The following NCR1 variants were observed in gnomAD, a reference collection of about 807,000 sequenced individuals.
NCR1 encodes natural cytotoxicity triggering receptor 1.
NCR1 carries 30 observed loss-of-function variants against 32.5 expected under a neutral mutation model. The ratio of observed to expected loss-of-function variants is 0.92; its 90% CI spans 0.69 to 1.25. The LOEUF (loss-of-function observed/expected upper bound fraction) is 1.25. Among genes scored for constraint, NCR1 ranks in the 50% most tolerant of loss-of-function variants. The pLI, the probability that NCR1 is intolerant of heterozygous loss-of-function variation, is 0.00. For missense variants in NCR1, 369 were observed against 380.7 expected, an observed-to-expected ratio of 0.97 and a Z score of 0.26; for synonymous variants, 169 against 143.4, an observed-to-expected ratio of 1.18 and a Z score of -1.28.
the NCR1 span, among the ~76,000 whole-genome samples, chr19:54,926,243 TACAC>T: frequency 2.1e-5 from 3 of 145,682 alleles, no homozygotes; most frequent in African/African-American, 5.1e-5. Context: ...TGCACACACA[TACAC>T]ACAAGCTTCC....
At chr19:54,924,343 C>CCAGG in the NCR1 span, among the ~76,000 whole-genome samples, 1 of 152,220 alleles carries the variant, frequency 6.6e-6, no homozygotes, top group African/African-American at 2.4e-5. Context: ...AAGATTATGG[C>CCAGG]CAGGCACGGT....
At chr19:54,933,854 G>C in the NCR1 span, 2 of 912,038 alleles carry the variant, frequency 2.2e-6, no homozygotes, top group Non-Finnish European at 3.6e-6. Context: ...TTCATCCCCT[G>C]CCCTCTGTCC....
chr19:54,910,074 C>G lies in NCR1; in HGVS notation c.682+9C>G. ...AGACCCCACCTTTCCTGGTGAGTAACTGGTCCTTCTAAGCTCAGACGAGCG... is the reference window on the plus strand; with the variant it reads ...AGACCCCACCTTTCCTGGTGAGTAAGTGGTCCTTCTAAGCTCAGACGAGCG... On this transcript the variant is annotated intron_variant, in intron 5 of 6. Transcript: ENST00000291890. 6.2e-7 allele frequency: 1 copy of G among 1,613,134 alleles called. No homozygotes were observed. Among genetic ancestry groups the G allele is most frequent in the Admixed American group, 1.7e-5 (1 of 59,928 alleles).
downstream of NCR1, among the ~76,000 whole-genome samples, chr19:54,918,866 C>T (rs551657380): frequency 1.3e-5 from 2 of 151,916 alleles, no homozygotes; most frequent in South Asian, 2.1e-4. Context: ...TGCCTATAAT[C>T]CCAGCTACTA....
chr19:54,904,101 G>A (rs2067387827), upstream of NCR1, among the ~76,000 whole-genome samples: 1 of 138,292 alleles, frequency 7.2e-6, no homozygotes. Flanking sequence ...ACCACAGCCT[G>A]GGCAACAGAG....
At position 54,912,919 on chromosome 19, in the gene NCR1, G is replaced by A. The variant is rs377732447; in HGVS notation, c.*48G>A. The A allele has an allele frequency of 6.3e-6, 10 of 1,582,374 alleles. No individual in the cohort carries two copies. Among genetic ancestry groups the A allele is most frequent in the Middle Eastern group, 1.7e-4 (1 of 5,946 alleles). On this transcript the variant is annotated 3_prime_UTR_variant, in exon 7 of 7. Coordinates refer to ENST00000291890, the MANE Select transcript of NCR1 (RefSeq NM_004829.7). ...GCCATGGGTGGATCTGAAAGCTGGT[G>A]TTGAGCCTGGGCGGCGTGAGCTCTG...
Position 54,912,831 on chromosome 19 carries a change from C to CT in NCR1, c.877dup (p.Trp293LeufsTer73). On this transcript the variant is annotated frameshift_variant, in exon 7 of 7. Transcript: ENST00000291890. LOFTEE classifies it high-confidence loss of function. The stretch of plus-strand genomic sequence containing the variant: ...AGAGAGCGAGCCAGCAGAGCTTCCA[C>CT]TTGGGAAGGCAGGAGAAGGCTGAAC... The CT allele has an allele frequency of 6.2e-7, 1 of 1,613,480 alleles. No homozygotes were observed. Among genetic ancestry groups the CT allele is most frequent in the Non-Finnish European group, 8.5e-7 (1 of 1,179,988 alleles).
At chr19:54,933,619 C>A in the NCR1 span, 25 of 1,614,096 alleles carry the variant, frequency 1.5e-5, no homozygotes, top group Non-Finnish European at 2.0e-5. Flanking sequence ...CACACAGAAA[C>A]TTCACCCCTG....
the NCR1 span, among the ~76,000 whole-genome samples, chr19:54,936,870 G>A: frequency 0.01 from 1,593 of 151,778 alleles, 35 homozygotes; most frequent in African/African-American, 0.036. Flanking sequence ...AGCCGAGACC[G>A]CACCACTGCA....
the NCR1 span, chr19:54,937,909 A>T: frequency 2.7e-6 from 2 of 732,914 alleles, no homozygotes; most frequent in East Asian, 5.0e-5. Flanking sequence ...CCAAAAAAAA[A>T]AAAAAAAAAA....
the NCR1 span, among the ~76,000 whole-genome samples, chr19:54,937,316 C>T: frequency 6.6e-6 from 1 of 151,912 alleles, no homozygotes; most frequent in Non-Finnish European, 1.5e-5. Context: ...CAACAAACTC[C>T]TATGACACAC....
At chr19:54,920,925 G>A (rs1421498092), downstream of NCR1, among the ~76,000 whole-genome samples, 2 of 152,026 alleles carry the variant, frequency 1.3e-5, no homozygotes, top group Non-Finnish European at 2.9e-5. Context: ...GGCCAACATG[G>A]TGAAATCACG....
chr19:54,912,321 G>A (rs573972738), intron 6 of NCR1, 103 bp downstream of exon 6: 18 of 1,160,722 alleles, frequency 1.6e-5, no homozygotes, highest in African/African-American at 1.1e-4. Flanking sequence ...CCTTGGCCAG[G>A]CGCAGTAGCT....
chr19:54,925,765 G>A, the NCR1 span, among the ~76,000 whole-genome samples: 3 of 152,070 alleles, frequency 2.0e-5, no homozygotes, highest in Non-Finnish European at 4.4e-5. Flanking sequence ...TTGGGAGGCC[G>A]AGGTGGGCAG....
At chr19:54,926,796 A>G in the NCR1 span, among the ~76,000 whole-genome samples, 1 of 151,814 alleles carries the variant, frequency 6.6e-6, no homozygotes, top group South Asian at 2.1e-4. Flanking sequence ...AGCGACTGTA[A>G]TCCTAGCTAC....
At chr19:54,923,897 G>A in the NCR1 span, 1 of 1,609,072 alleles carries the variant, frequency 6.2e-7, no homozygotes. Flanking sequence ...GAACACAAAT[G>A]TTCCCAGAAA....
chr19:54,924,014 C>T, the NCR1 span: 1 of 896,540 alleles, frequency 1.1e-6, no homozygotes. Context: ...GTTGCCCAGG[C>T]TGGGGTACAG....
the NCR1 span, among the ~76,000 whole-genome samples, chr19:54,900,084 C>T: frequency 1.1e-4 from 16 of 152,138 alleles, 1 homozygote; most frequent in South Asian, 6.2e-4. Context: ...GGTCTGAGGA[C>T]GAGAGGTCGT....
intron 3 of NCR1, among the ~76,000 whole-genome samples, chr19:54,907,904 CTG>C (rs2067717264): frequency 2.0e-5 from 3 of 152,096 alleles, no homozygotes; most frequent in East Asian, 1.9e-4. Context: ...TATTTTTTGT[CTG>C]TGCCTTTTCA....
Sources: gnomAD v4.1 joint callset for allele counts (sites outside exome capture counted in the v4.1 genomes callset) on GRCh38, gnomAD v4.1.1 for gene constraint, MANE v1.5 for transcripts, NCBI Gene and HGNC (gene_info 2026-07-23, HGNC 2026-07-21) for gene names.